Variants in THSD7A observed in about 807,000 individuals in gnomAD.
THSD7A encodes thrombospondin type 1 domain containing 7A.
A neutral mutation model predicts 231.3 loss-of-function variants in THSD7A; 96 were observed. The ratio of observed to expected loss-of-function variants is 0.41; its 90% CI spans 0.35 to 0.49. The LOEUF is 0.49. THSD7A is among the 20% of genes least tolerant of loss of function. The probability of loss-of-function intolerance (pLI) is 0.05; values close to 1 mark genes in which losing one functional copy is unlikely to be tolerated. For missense variants in THSD7A, 2,290 were observed against 2,070.2 expected (o/e 1.11, Z -2.06); for synonymous variants, 940 against 743.3 (o/e 1.26, Z -4.30).
chr7:11,513,156 G>A (rs1787889744), intron 6 of THSD7A, among the ~76,000 whole-genome samples: 1 of 151,196 alleles, frequency 6.6e-6, no homozygotes, highest in Non-Finnish European at 1.5e-5. Flanking sequence ...GGGGACTTGG[G>A]GGGAAGAGTG....
intron 6 of THSD7A, among the ~76,000 whole-genome samples, chr7:11,491,591 G>A (rs1786896545): frequency 6.6e-6 from 1 of 151,480 alleles, no homozygotes; most frequent in African/African-American, 2.4e-5. Context: ...AGTACTTAAT[G>A]AGAGGAATTA....
intron 13 of THSD7A, among the ~76,000 whole-genome samples, chr7:11,433,488 T>C (rs1784541329): frequency 6.6e-6 from 1 of 152,078 alleles, no homozygotes; most frequent in Non-Finnish European, 1.5e-5. Context: ...TAATAATATT[T>C]GTAAGACTAC....
chr7:11,390,675 T>C (rs1439876450), intron 23 of THSD7A, among the ~76,000 whole-genome samples: 2 of 152,236 alleles, frequency 1.3e-5, no homozygotes, highest in African/African-American at 4.8e-5. Context: ...AGAGGCATTC[T>C]GGTTTTTGAA....
chr7:11,617,321 A>G (rs111468119), intron 2 of THSD7A, among the ~76,000 whole-genome samples: 133 of 152,304 alleles, frequency 8.7e-4, no homozygotes, highest in African/African-American at 3.1e-3. Context: ...AGGTATATCA[A>G]TCTAACTTTT....
intron 1 of THSD7A, among the ~76,000 whole-genome samples, chr7:11,716,034 G>A (rs1041793172): frequency 7.9e-5 from 12 of 151,494 alleles, no homozygotes; most frequent in Admixed American, 2.0e-4. Flanking sequence ...ACTTGATAAC[G>A]ATGTCAGTGA....
In THSD7A at chr7:11,636,114, G is replaced by A; in HGVS notation, c.1022+16C>T. 1 of 1,593,746 alleles carries A rather than the reference G, an allele frequency of 6.3e-7. No individual in the cohort carries two copies. Among genetic ancestry groups the A allele is most frequent in the South Asian group, 1.1e-5 (1 of 87,776 alleles). The stretch of plus-strand genomic sequence containing the variant: ...GACAGACAAGCCTGTGTAGTTAACA[G>A]TAATTAAAATGTTACCTTAAATCAG... On this transcript the variant is annotated intron_variant, in intron 2 of 27. Transcript: ENST00000423059. This position sits in a 1 kb window ranked among gnomAD's most constrained non-coding sequence, Gnocchi z 10.0.
chr7:11,638,693 A>G (rs1781962672), intron 1 of THSD7A, among the ~76,000 whole-genome samples: 1 of 152,138 alleles, frequency 6.6e-6, no homozygotes, highest in South Asian at 2.1e-4. Context: ...TAGTGATGTA[A>G]CATTCTTATA....
At chr7:11,743,801 T>A (rs1358746546) in intron 1 of THSD7A, among the ~76,000 whole-genome samples, 1 of 151,938 alleles carries the variant, frequency 6.6e-6, no homozygotes, top group Non-Finnish European at 1.5e-5. Flanking sequence ...CTTTTGCCTA[T>A]TCTGTGTGAT....
At chr7:11,508,734 T>C (rs1787664657) in intron 6 of THSD7A, among the ~76,000 whole-genome samples, 1 of 152,230 alleles carries the variant, frequency 6.6e-6, no homozygotes, top group Admixed American at 6.5e-5. Context: ...ATGTGGTATA[T>C]ACTCATAGTG....
intron 6 of THSD7A, among the ~76,000 whole-genome samples, chr7:11,531,082 T>C (rs1788690413): frequency 6.6e-6 from 1 of 152,164 alleles, no homozygotes. Context: ...GATAATACCA[T>C]AACACTAGTA....
chr7:11,673,007 G>A (rs1239887638), intron 1 of THSD7A, among the ~76,000 whole-genome samples: 2 of 152,150 alleles, frequency 1.3e-5, no homozygotes, highest in Admixed American at 6.5e-5. Context: ...AGAAGCAGCT[G>A]GAGGATGCCT....
intron 6 of THSD7A, among the ~76,000 whole-genome samples, chr7:11,506,656 T>C (rs993266449): frequency 5.3e-5 from 8 of 152,212 alleles, no homozygotes; most frequent in Admixed American, 5.2e-4. Context: ...TTCTCCCTTA[T>C]TCCATTTCAG....
At chr7:11,809,821 C>T (rs1208389427) in intron 1 of THSD7A, among the ~76,000 whole-genome samples, 2 of 151,964 alleles carry the variant, frequency 1.3e-5, no homozygotes, top group African/African-American at 2.4e-5. Flanking sequence ...CTTATATGTA[C>T]CAAAGCATAA....
intron 1 of THSD7A, among the ~76,000 whole-genome samples, chr7:11,778,827 T>C (rs1783530560): frequency 6.6e-6 from 1 of 152,148 alleles, no homozygotes; most frequent in Admixed American, 6.5e-5. Context: ...CCAATGTTTC[T>C]ATAAATCTAT....
At chr7:11,609,849 G>A (rs1250915697) in intron 2 of THSD7A, among the ~76,000 whole-genome samples, 1 of 151,938 alleles carries the variant, frequency 6.6e-6, no homozygotes, top group Non-Finnish European at 1.5e-5. Flanking sequence ...TTAATCACTG[G>A]AAGAAAAAGA....
At chr7:11,742,350 AAAC>A (rs1255599829) in intron 1 of THSD7A, among the ~76,000 whole-genome samples, 7 of 151,956 alleles carry the variant, frequency 4.6e-5, no homozygotes, top group African/African-American at 7.2e-5. Context: ...TAGTAAAAAC[AAAC>A]AACAACAACA....
At chr7:11,749,594 A>G (rs1782432496) in intron 1 of THSD7A, among the ~76,000 whole-genome samples, 1 of 152,004 alleles carries the variant, frequency 6.6e-6, no homozygotes, top group Admixed American at 6.6e-5. Flanking sequence ...GTTTATAATT[A>G]CTGTGACCAT....
intron 5 of THSD7A, 68 bp downstream of exon 5, chr7:11,542,894 T>A: frequency 6.6e-7 from 1 of 1,508,728 alleles, no homozygotes; most frequent in South Asian, 1.3e-5. Flanking sequence ...AGAAGAGCAT[T>A]TTAAAAATAA....
rs755988902 is a variant in THSD7A at position 11,407,388 on chromosome 7, G to A, written c.3834C>T (p.Ser1278=). The part of the protein sequence containing the change: ...GLEKNWQMNT[S]CMVECPVNCQ... ...AGTTCACAGGGCATTCCACCATGCA[G>A]GACGTGTTCATCTGCCAGTTCTTCT... The change falls in exon 20 of 28, where the codon TCC becomes TCT. Residue 1278 remains serine (S), a synonymous_variant. Transcript: ENST00000423059. The A allele has an allele frequency of 4.3e-6, 7 of 1,613,438 alleles. No individual in the cohort carries two copies. The highest frequency in any genetic ancestry group is 2.2e-5 in the South Asian group (2 of 90,904).
Sources: gnomAD v4.1 joint callset for allele counts (sites outside exome capture counted in the v4.1 genomes callset) on GRCh38, gnomAD v4.1.1 for gene constraint, Gnocchi (gnomAD v3.1) non-coding constraint, MANE v1.5 for transcripts, NCBI Gene and HGNC (gene_info 2026-07-23, HGNC 2026-07-21) for gene names.